DMXL2: variants seen among roughly 807,000 people sequenced by gnomAD.
DMXL2 encodes the protein Dmx like 2, also known as dmX-like protein 2.
A neutral mutation model predicts 331.1 loss-of-function variants in DMXL2; 103 were observed. The ratio of observed to expected loss-of-function variants is 0.31; its 90% CI spans 0.27 to 0.37. The LOEUF (loss-of-function observed/expected upper bound fraction) is 0.37, where lower values mean the gene tolerates loss of function less well. Ranked by LOEUF, DMXL2 falls within the 10% of genes least tolerant of loss-of-function variation. The pLI is 1.00. For synonymous variants in DMXL2, 1,281 were observed against 1,252.1 expected, an observed-to-expected ratio of 1.02 and a Z score of -0.49; for missense variants, 3,171 against 3,642.9, an observed-to-expected ratio of 0.87 and a Z score of 3.33.
intron 7 of DMXL2, 56 bp downstream of exon 7, chr15:51,547,174 T>C: frequency 1.4e-6 from 2 of 1,434,360 alleles, no homozygotes; most frequent in Non-Finnish European, 1.9e-6. Context: ...TTATTTTCAT[T>C]ATTTTTATAA....
chr15:51,450,474 T>C, intron 42 of DMXL2, 128 bp from the exon 43 acceptor site: 1 of 900,890 alleles, frequency 1.1e-6, no homozygotes, highest in East Asian at 2.6e-5. Context: ...TTTATTGTTT[T>C]GTAAGTCATT....
intron 10 of DMXL2, 59 bp from the exon 11 acceptor site, chr15:51,537,818 C>T: frequency 2.7e-6 from 4 of 1,486,006 alleles, no homozygotes; most frequent in South Asian, 1.3e-5. Context: ...ACATACTAGA[C>T]TATAAATAAA....
In DMXL2 at chr15:51,463,469, G is replaced by C. The variant is rs1444231506; in HGVS notation, c.7836C>G (p.Val2612=). 20 of 1,596,818 alleles carry C rather than the reference G, an allele frequency of 1.3e-5. No homozygotes were observed. Among genetic ancestry groups the C allele is most frequent in the Non-Finnish European group, 8.5e-6 (10 of 1,174,348 alleles). Residue 2612 remains valine, a synonymous_variant, in exon 33 of 44, where the codon GTC becomes GTG. Coordinates refer to ENST00000560891, the MANE Select transcript of DMXL2 (RefSeq NM_001378457.1). ...FKSRDSSAFP[V]KRLWHFLVKQ... is the part of the protein sequence containing the mutation. ...TAACAAGGAAATGCCAAAGTCGTTT[G>C]ACTGGAAATGCAGAAGAATCCCGGG...
chr15:51,527,418 G>C (rs1464160558), intron 13 of DMXL2, among the ~76,000 whole-genome samples: 3 of 151,302 alleles, frequency 2.0e-5, no homozygotes, highest in Non-Finnish European at 2.9e-5. Context: ...GAAAAAAGAG[G>C]ACATTAATGA....
chr15:51,484,213 G>C (rs933615228), intron 23 of DMXL2, among the ~76,000 whole-genome samples: 3 of 152,150 alleles, frequency 2.0e-5, no homozygotes, highest in Non-Finnish European at 4.4e-5. Context: ...TATGAGCCCT[G>C]TGGGCTGCTT....
chr15:51,508,287 T>C (rs1000407387), intron 15 of DMXL2, among the ~76,000 whole-genome samples: 1 of 152,116 alleles, frequency 6.6e-6, no homozygotes, highest in Admixed American at 6.5e-5. Context: ...GTAACAAACC[T>C]GCATGTTCTG....
At chr15:51,467,900 G>C (rs1049535303) in intron 29 of DMXL2, among the ~76,000 whole-genome samples, 1 of 152,018 alleles carries the variant, frequency 6.6e-6, no homozygotes, top group East Asian at 1.9e-4. Context: ...CTAATTTTTT[G>C]TATTTTTAGT....
Position 51,542,359 on chromosome 15 carries a change from A to G in DMXL2, c.1079T>C (p.Ile360Thr). The stretch of plus-strand genomic sequence containing the variant: ...TGTGGCAGGGTTGATGCTTGCTGCA[A>G]TATGAAAATGACAGAGTGCATTTGC... ...HHANALCHFH[I>T]AASINPATDI... Residue 360 changes from isoleucine (I) to threonine (T), a missense_variant, in exon 9 of 44, where the codon ATT (isoleucine) becomes ACT (threonine). Ile to Thr is a moderately conservative substitution (Grantham distance 89). Around this residue, in one of 7 missense-constraint regions of DMXL2, gnomAD observed 1,674 missense variants for 1,780.2 expected, o/e 0.94. Coordinates refer to ENST00000560891, the MANE Select transcript of DMXL2 (RefSeq NM_001378457.1). The G allele has an allele frequency of 6.2e-7, 1 of 1,613,616 alleles. No homozygotes were observed. Among genetic ancestry groups the G allele is most frequent in the Non-Finnish European group, 8.5e-7 (1 of 1,179,658 alleles).
chr15:51,539,269 C>A (rs912973642), intron 9 of DMXL2, among the ~76,000 whole-genome samples: 3 of 151,200 alleles, frequency 2.0e-5, no homozygotes, highest in Non-Finnish European at 4.4e-5. Flanking sequence ...CACATACACA[C>A]AGAGACATTT....
intron 13 of DMXL2, among the ~76,000 whole-genome samples, chr15:51,529,734 G>A (rs1473579764): frequency 6.6e-6 from 1 of 151,924 alleles, no homozygotes; most frequent in African/African-American, 2.4e-5. Flanking sequence ...AGAGAAGGAA[G>A]GAATACTTTC....
At chr15:51,486,744 G>T (rs1280579556) in intron 22 of DMXL2, among the ~76,000 whole-genome samples, 2 of 151,798 alleles carry the variant, frequency 1.3e-5, no homozygotes, top group African/African-American at 4.8e-5. Context: ...AATAAATTAT[G>T]AAATACAGCC....
chr15:51,503,280 T>C (rs1193802453), intron 16 of DMXL2, among the ~76,000 whole-genome samples: 2 of 152,172 alleles, frequency 1.3e-5, no homozygotes, highest in African/African-American at 2.4e-5. Context: ...CCCACATTTA[T>C]TGTAGCACTA....
chr15:51,493,556 C>G (rs550912395), intron 19 of DMXL2, among the ~76,000 whole-genome samples: 3 of 152,286 alleles, frequency 2.0e-5, no homozygotes, highest in African/African-American at 7.2e-5. Context: ...TCTTGCTCTT[C>G]TCAGCTTTTC....
intron 9 of DMXL2, 29 bp from the exon 10 acceptor site, chr15:51,538,481 A>AT: frequency 5.3e-6 from 8 of 1,510,388 alleles, no homozygotes; most frequent in Non-Finnish European, 7.1e-6. Context: ...TTTCAATATA[A>AT]TTTTTTTTAT....
At chr15:51,450,694 G>A (rs931880692) in intron 42 of DMXL2, 16 of 196,036 alleles carry the variant, frequency 8.2e-5, no homozygotes, top group Admixed American at 2.7e-4. Context: ...GTGCTGTACC[G>A]TACAAAAAGT....
At chr15:51,565,970 G>C (rs958992009) in intron 3 of DMXL2, among the ~76,000 whole-genome samples, 2 of 152,156 alleles carry the variant, frequency 1.3e-5, no homozygotes, top group African/African-American at 4.8e-5. Flanking sequence ...CAGTTTGGGA[G>C]GCCATGACAG....
chr15:51,452,109 CTGAATCCTCA>C (rs2039199953), intron 41 of DMXL2, among the ~76,000 whole-genome samples: 1 of 152,148 alleles, frequency 6.6e-6, no homozygotes, highest in Non-Finnish European at 1.5e-5. Flanking sequence ...CTGTTAGTCC[CTGAATCCTCA>C]TCTCTCACCT....
chr15:51,615,286 T>C (rs908058219), intron 1 of DMXL2, among the ~76,000 whole-genome samples: 1 of 152,158 alleles, frequency 6.6e-6, no homozygotes, highest in Non-Finnish European at 1.5e-5. Flanking sequence ...CTAAGAAGGC[T>C]AAATGAAGAC....
At chr15:51,525,376 G>A (rs543253345) in intron 13 of DMXL2, among the ~76,000 whole-genome samples, 1 of 152,202 alleles carries the variant, frequency 6.6e-6, no homozygotes, top group South Asian at 2.1e-4. Flanking sequence ...CAATGTGCTC[G>A]CTTCGACAGC....
Sources: allele counts gnomAD v4.1 joint callset (sites outside exome capture counted in the v4.1 genomes callset), GRCh38; gene constraint gnomAD v4.1.1; regional missense constraint gnomAD v4.1.1; transcripts MANE v1.5; gene names NCBI Gene and HGNC (gene_info 2026-07-23, HGNC 2026-07-21).